Variants in ARHGAP24 observed in about 807,000 individuals in gnomAD.
ARHGAP24 encodes the protein rho GTPase-activating protein 24.
ARHGAP24 carries 50 observed loss-of-function variants against 76.4 expected under a neutral mutation model. That is an observed-to-expected ratio of 0.65 (90% CI 0.52 to 0.83). The LOEUF is 0.83. Ranked by LOEUF, ARHGAP24 falls within the 40% of genes least tolerant of loss-of-function variation. The pLI, the probability that ARHGAP24 is intolerant of heterozygous loss-of-function variation, is 0.00. For missense variants in ARHGAP24, 930 were observed against 914.2 expected (o/e 1.02, Z -0.22); for synonymous variants, 345 against 323.3 (o/e 1.07, Z -0.72).
intron 3 of ARHGAP24, among the ~76,000 whole-genome samples, chr4:85,909,473 A>T (rs192536672): frequency 6.0e-4 from 92 of 152,214 alleles, no homozygotes; most frequent in African/African-American, 2.2e-3. Context: ...TATTCAAGGA[A>T]TGTTGCCTTT....
intron 3 of ARHGAP24, among the ~76,000 whole-genome samples, chr4:85,883,666 G>C (rs1039620602): frequency 6.6e-6 from 1 of 152,128 alleles, no homozygotes; most frequent in African/African-American, 2.4e-5. Context: ...AAAAACCCAA[G>C]ACAGTATAGG....
intron 3 of ARHGAP24, among the ~76,000 whole-genome samples, chr4:85,722,685 C>G (rs1724998866): frequency 6.6e-6 from 1 of 152,142 alleles, no homozygotes; most frequent in South Asian, 2.1e-4. Context: ...TTGTCTACCT[C>G]TTTGATCAAT....
At position 86,000,795 on chromosome 4, in the gene ARHGAP24, C is replaced by G; in HGVS notation, c.*73C>G. ...GATTCTGGTGGGATATGACTTAGAA[C>G]CAGGTGGCTGGTCACCTGGATGTAC... On this transcript the variant is annotated 3_prime_UTR_variant, in exon 10 of 10. Coordinates refer to ENST00000395184, the MANE Select transcript of ARHGAP24 (RefSeq NM_001025616.3). The G allele has an allele frequency of 1.9e-6, 3 of 1,605,088 alleles. No individual in the cohort carries two copies. Among genetic ancestry groups the G allele is most frequent in the Non-Finnish European group, 2.6e-6 (3 of 1,174,828 alleles).
At chr4:85,516,790 A>G (rs1054313956) in intron 1 of ARHGAP24, among the ~76,000 whole-genome samples, 30 of 151,822 alleles carry the variant, frequency 2.0e-4, no homozygotes, top group African/African-American at 6.8e-4. Flanking sequence ...CCTGCCCCCA[A>G]CTTTTAATTT....
At chr4:85,938,342 C>T (rs1392311728) in intron 4 of ARHGAP24, among the ~76,000 whole-genome samples, 1 of 152,176 alleles carries the variant, frequency 6.6e-6, no homozygotes, top group Non-Finnish European at 1.5e-5. Flanking sequence ...GCATGACCCA[C>T]ATCCCAGGGA....
At chr4:85,548,612 A>G (rs879809818) in intron 1 of ARHGAP24, among the ~76,000 whole-genome samples, 2 of 152,206 alleles carry the variant, frequency 1.3e-5, no homozygotes, top group Non-Finnish European at 2.9e-5. Flanking sequence ...GCTAACCTAC[A>G]CCACAGCCAG....
At chr4:85,681,285 G>A (rs942908092) in intron 2 of ARHGAP24, among the ~76,000 whole-genome samples, 1 of 152,152 alleles carries the variant, frequency 6.6e-6, no homozygotes, top group Admixed American at 6.6e-5. Context: ...TATGACTCAA[G>A]TCTAATTTGA....
At chr4:85,869,358 A>G (rs138195154) in intron 3 of ARHGAP24, among the ~76,000 whole-genome samples, 1,628 of 152,282 alleles carry the variant, frequency 0.011, 83 homozygotes, top group Admixed American at 0.091. Flanking sequence ...CACTCTAAGA[A>G]TAACATACTC....
intron 1 of ARHGAP24, among the ~76,000 whole-genome samples, chr4:85,565,517 C>G (rs1349965586): frequency 6.6e-6 from 1 of 152,136 alleles, no homozygotes; most frequent in Non-Finnish European, 1.5e-5. Flanking sequence ...GTGAAATACT[C>G]ACTCACCCCA....
intron 2 of ARHGAP24, among the ~76,000 whole-genome samples, chr4:85,615,682 GA>G (rs1367614796): frequency 6.6e-6 from 1 of 152,122 alleles, no homozygotes; most frequent in African/African-American, 2.4e-5. Context: ...TTGTAATCAT[GA>G]AATTATTAAT....
At chr4:85,700,724 G>A (rs915122476) in intron 2 of ARHGAP24, among the ~76,000 whole-genome samples, 7 of 152,216 alleles carry the variant, frequency 4.6e-5, no homozygotes, top group East Asian at 1.9e-4. Flanking sequence ...AGCTTGAAAC[G>A]TGAACTTATA....
intron 3 of ARHGAP24, among the ~76,000 whole-genome samples, chr4:85,789,633 A>G (rs1477049235): frequency 6.6e-6 from 1 of 152,144 alleles, no homozygotes; most frequent in East Asian, 1.9e-4. Context: ...ACCTATAGAG[A>G]ATGTCAGGTA....
intron 1 of ARHGAP24, among the ~76,000 whole-genome samples, chr4:85,481,393 A>T (rs1345276945): frequency 6.6e-6 from 1 of 152,248 alleles, no homozygotes; most frequent in African/African-American, 2.4e-5. Flanking sequence ...TGTGTATTTC[A>T]TGGGTTTGGC....
At chr4:85,823,898 C>A (rs1284975652) in intron 3 of ARHGAP24, among the ~76,000 whole-genome samples, 1 of 85,234 alleles carries the variant, frequency 1.2e-5, no homozygotes, top group Non-Finnish European at 2.2e-5. Flanking sequence ...TCTTCTTTTT[C>A]TTTTTCTGAA....
intron 4 of ARHGAP24, chr4:85,930,882 C>T: frequency 2.5e-6 from 4 of 1,612,212 alleles, no homozygotes; most frequent in Non-Finnish European, 3.4e-6. Context: ...CGCTCAGAGG[C>T]AGGTTTTAAA....
intron 3 of ARHGAP24, among the ~76,000 whole-genome samples, chr4:85,782,386 A>G (rs1406769166): frequency 6.6e-6 from 1 of 152,244 alleles, no homozygotes; most frequent in Non-Finnish European, 1.5e-5. Flanking sequence ...ATACACGCTT[A>G]GGAAGACTTC....
At chr4:85,984,133 A>G (rs1739845601) in intron 8 of ARHGAP24, among the ~76,000 whole-genome samples, 1 of 152,192 alleles carries the variant, frequency 6.6e-6, no homozygotes, top group African/African-American at 2.4e-5. Flanking sequence ...TCACAGGCCT[A>G]TGAGATCAAA....
chr4:85,876,240 T>A (rs1220194476), intron 3 of ARHGAP24, among the ~76,000 whole-genome samples: 1 of 152,180 alleles, frequency 6.6e-6, no homozygotes, highest in African/African-American at 2.4e-5. Context: ...CTTGTTATAT[T>A]TTCAGTTTTG....
At chr4:85,847,661 C>T (rs574024141) in intron 3 of ARHGAP24, among the ~76,000 whole-genome samples, 4 of 152,228 alleles carry the variant, frequency 2.6e-5, no homozygotes, top group Non-Finnish European at 4.4e-5. Flanking sequence ...CTATACCTGT[C>T]CTATTTGAGG....
Sources: allele counts gnomAD v4.1 joint callset (sites outside exome capture counted in the v4.1 genomes callset), GRCh38; gene constraint gnomAD v4.1.1; transcripts MANE v1.5; gene names NCBI Gene and HGNC (gene_info 2026-07-23, HGNC 2026-07-21).